The following MOK variants were observed in gnomAD, a reference collection of about 807,000 sequenced individuals.
MOK encodes MAPK/MAK/MRK overlapping kinase.
MOK carries 59 observed loss-of-function variants against 54.2 expected under a neutral mutation model. The ratio of observed to expected loss-of-function variants is 1.09; its 90% CI spans 0.88 to 1.35. The LOEUF is 1.35. Among genes scored for constraint, MOK ranks in the 40% most tolerant of loss-of-function variants. MOK has a pLI of 0.00. For missense variants in MOK, 517 were observed against 526.2 expected (o/e 0.98, Z 0.17); for synonymous variants, 210 against 202.7 (o/e 1.04, Z -0.31).
chr14:102,289,833 A>G (rs1312962311), intron 1 of MOK, among the ~76,000 whole-genome samples: 1 of 152,112 alleles, frequency 6.6e-6, no homozygotes, highest in African/African-American at 2.4e-5. Context: ...GTCAACAGTT[A>G]TAATAATATG....
intron 7 of MOK, among the ~76,000 whole-genome samples, chr14:102,234,329 T>C (rs950153904): frequency 2.7e-5 from 4 of 149,214 alleles, no homozygotes; most frequent in Admixed American, 2.0e-4. Flanking sequence ...ACCCAGACAA[T>C]CTCCTAGACT....
the MOK span, among the ~76,000 whole-genome samples, chr14:102,217,251 C>G: frequency 6.6e-6 from 1 of 152,202 alleles, no homozygotes; most frequent in Non-Finnish European, 1.5e-5. Context: ...ACAGCCCGGG[C>G]CGGTGCTGGT....
At chr14:102,247,084 C>T (rs1478088490) in intron 7 of MOK, among the ~76,000 whole-genome samples, 3 of 152,136 alleles carry the variant, frequency 2.0e-5, no homozygotes, top group Non-Finnish European at 4.4e-5. Context: ...CATCCCTGCA[C>T]CCGCCACCTG....
At chr14:102,226,004 G>T, downstream of MOK, 1 of 390,734 alleles carries the variant, frequency 2.6e-6, no homozygotes, top group Non-Finnish European at 4.6e-6. This position sits in a 1 kb window ranked among gnomAD's most constrained non-coding sequence, Gnocchi z 4.8. Flanking sequence ...CGTGCCAGGG[G>T]TGGGTCTAGC....
Position 102,233,758 on chromosome 14 carries a change from GT to G in MOK, c.621del (p.Glu207AspfsTer29). The G allele has an allele frequency of 6.2e-7, 1 of 1,614,148 alleles. No individual in the cohort carries two copies. Among genetic ancestry groups the G allele is most frequent in the Non-Finnish European group, 8.5e-7 (1 of 1,179,978 alleles). ...TCGTGGATTTTTGAGATTTGGTCCA[GT>G]TCATTTACTCCAGGAAAGAGGGGCT... Reference protein sequence around the residue: ...SLQPLFPGVNELDQISKIHDV... With the variant: ...SLQPLFPGVNXLDQISKIHDV... On this transcript the variant is annotated frameshift_variant, in exon 8 of 12. Transcript: ENST00000361847. LOFTEE classifies it high-confidence loss of function.
chr14:102,296,571 T>C (rs1231343472), intron 1 of MOK, among the ~76,000 whole-genome samples: 3 of 152,178 alleles, frequency 2.0e-5, no homozygotes, highest in Non-Finnish European at 4.4e-5. Context: ...AAAGCCAGTA[T>C]TAAGTTTACC....
intron 2 of MOK, 161 bp downstream of exon 2, chr14:102,283,317 T>C (rs2069668386): frequency 1.9e-6 from 1 of 521,902 alleles, no homozygotes; most frequent in Non-Finnish European, 3.4e-6. Flanking sequence ...TAAACTCCAG[T>C]ATGATAAACA....
chr14:102,215,094 T>C, the MOK span: 1 of 665,538 alleles, frequency 1.5e-6, no homozygotes, highest in South Asian at 6.8e-5. Context: ...TGCTGTAAAA[T>C]TAAGGACCTT....
intron 7 of MOK, among the ~76,000 whole-genome samples, chr14:102,248,193 T>A (rs2066244299): frequency 6.6e-6 from 1 of 152,206 alleles, no homozygotes; most frequent in African/African-American, 2.4e-5. Flanking sequence ...TTCTTGGTGC[T>A]GCCCACCCCT....
intron 4 of MOK, 55 bp downstream of exon 4, chr14:102,263,491 G>A (rs971203042): frequency 7.9e-7 from 1 of 1,263,916 alleles, no homozygotes; most frequent in Non-Finnish European, 1.1e-6. Context: ...AAGCATATAT[G>A]AATTACAAGC....
In MOK at chr14:102,230,660, C is replaced by T. The variant is rs139417868; in HGVS notation, c.982-1003G>A. ...AGCAGACCCTCTGTCCAGGAGGGAG[C>T]GGAGGCAGAGCAGGGACAGTAGTGA... is the stretch of plus-strand genomic sequence containing the variant. On this transcript the variant is annotated intron_variant, in intron 10 of 11. Coordinates refer to ENST00000361847, the MANE Select transcript of MOK (RefSeq NM_014226.3). The surrounding 1 kb of genome is among the most constrained non-coding windows in gnomAD (Gnocchi z 4.1). 1.0e-4 allele frequency: 16 copies of T among 152,870 alleles called. No individual in the cohort carries two copies. The highest frequency in any genetic ancestry group is 1.4e-4 in the African/African-American group (6 of 41,534). 9.5% of individuals were successfully genotyped at this position (152,870 alleles called of 1,614,324 possible). A position where few individuals can be genotyped will look rare whatever the true frequency, so the allele number is the denominator to read the frequency against.
At position 102,240,126 on chromosome 14, in the gene MOK, A is replaced by T. The variant is rs2065591226; in HGVS notation, c.591-6337T>A. On this transcript the variant is annotated intron_variant, in intron 7 of 11. Transcript: ENST00000361847. The surrounding 1 kb of genome is among the most constrained non-coding windows in gnomAD (Gnocchi z 5.4). ...CACACTGAGCACCTTGTGATCCCCT[A>T]GCCCCTGCCCGCCAGAGAACAACCC... Among the ~76,000 whole-genome samples, 1 of 134,310 alleles carries T rather than the reference A, an allele frequency of 7.4e-6. No homozygotes were observed. Among genetic ancestry groups the T allele is most frequent in the African/African-American group, 2.6e-5 (1 of 37,916 alleles). The allele number at this position is 134,310 out of a possible 152,430, so 88.1% of individuals were successfully genotyped here. A position where few individuals can be genotyped will look rare whatever the true frequency, so the allele number is the denominator to read the frequency against.
chr14:102,298,410 C>A (rs935704340), intron 1 of MOK, among the ~76,000 whole-genome samples: 1 of 151,950 alleles, frequency 6.6e-6, no homozygotes, highest in Non-Finnish European at 1.5e-5. Flanking sequence ...GTAAATACAC[C>A]AATCAGCACT....
downstream of MOK, chr14:102,226,138 A>G (rs567275437): frequency 1.2e-5 from 7 of 591,152 alleles, no homozygotes; most frequent in East Asian, 2.0e-4. The surrounding 1 kb of genome is among the most constrained non-coding windows in gnomAD (Gnocchi z 4.8). Flanking sequence ...TGAGTGCCAG[A>G]TGGAAATGGC....
downstream of MOK, among the ~76,000 whole-genome samples, chr14:102,220,037 T>G (rs555145243): frequency 6.6e-6 from 1 of 152,214 alleles, no homozygotes; most frequent in Non-Finnish European, 1.5e-5. The surrounding 1 kb of genome is among the most constrained non-coding windows in gnomAD (Gnocchi z 4.2). Flanking sequence ...AATGGGAGAA[T>G]AGGAAGCCTG....
chr14:102,283,739 C>T, intron 1 of MOK, 147 bp from the exon 2 acceptor site: 1 of 568,106 alleles, frequency 1.8e-6, no homozygotes, highest in Non-Finnish European at 3.1e-6. Flanking sequence ...ATTTAGTGGT[C>T]CCCTCAACTT....
intron 2 of MOK, among the ~76,000 whole-genome samples, chr14:102,272,178 A>G (rs2153149971): frequency 6.6e-6 from 1 of 152,278 alleles, no homozygotes; most frequent in African/African-American, 2.4e-5. Flanking sequence ...ACTCCCTAAC[A>G]AAGACTTTTA....
chr14:102,256,724 T>TAA (rs11298006), intron 4 of MOK, among the ~76,000 whole-genome samples: 10 of 135,808 alleles, frequency 7.4e-5, no homozygotes, highest in African/African-American at 1.0e-4. Flanking sequence ...TTGAAACAGT[T>TAA]AAAAAAAAAA....
chr14:102,252,717 C>T (rs575067530), intron 4 of MOK, among the ~76,000 whole-genome samples: 55 of 152,108 alleles, frequency 3.6e-4, no homozygotes, highest in African/African-American at 1.3e-3. Context: ...TTGAATTGAC[C>T]ATATTCAGAG....
Sources: allele counts gnomAD v4.1 joint callset (sites outside exome capture counted in the v4.1 genomes callset), GRCh38; gene constraint gnomAD v4.1.1; non-coding constraint Gnocchi (gnomAD v3.1); transcripts MANE v1.5; gene names NCBI Gene and HGNC (gene_info 2026-07-23, HGNC 2026-07-21).